The following AHI1 variants were observed in gnomAD, a reference collection of about 807,000 sequenced individuals.
The protein encoded by AHI1 is jouberin.
AHI1 carries 123 observed loss-of-function variants against 149.3 expected under a neutral mutation model. That is an observed-to-expected ratio of 0.82 (90% CI 0.71 to 0.96). AHI1 has a LOEUF of 0.96. Ranked by LOEUF, AHI1 falls within the 40% of genes least tolerant of loss-of-function variation. The probability of loss-of-function intolerance (pLI) is 0.00; values close to 1 mark genes in which losing one functional copy is unlikely to be tolerated. For missense variants in AHI1, 1,439 were observed against 1,422.7 expected, an observed-to-expected ratio of 1.01 and a Z score of -0.18; for synonymous variants, 475 against 459.8, an observed-to-expected ratio of 1.03 and a Z score of -0.42.
At chr6:135,489,962 A>C in intron 5 of AHI1, 10 of 417,418 alleles carry the variant, frequency 2.4e-5, no homozygotes, top group East Asian at 7.2e-5. Flanking sequence ...TGAGGACAGA[A>C]GAGATAATGG....
At chr6:135,328,309 C>T (rs749378125) in intron 24 of AHI1, among the ~76,000 whole-genome samples, 8 of 152,166 alleles carry the variant, frequency 5.3e-5, no homozygotes, top group Non-Finnish European at 7.4e-5. Context: ...TGTGGCAACC[C>T]TGCATTGAGC....
chr6:135,317,713 A>C (rs555707120), intron 26 of AHI1, among the ~76,000 whole-genome samples: 15 of 152,158 alleles, frequency 9.9e-5, no homozygotes, highest in Non-Finnish European at 1.9e-4. Flanking sequence ...CGCATGGATG[A>C]AGGCATTCAA....
intron 23 of AHI1, among the ~76,000 whole-genome samples, chr6:135,379,713 C>T (rs1321615168): frequency 2.0e-5 from 3 of 152,178 alleles, no homozygotes; most frequent in East Asian, 1.9e-4. Context: ...GCTGCTACCT[C>T]TCTGAACTTA....
At position 135,453,336 on chromosome 6, in the gene AHI1, C is replaced by T; in HGVS notation, c.1440+5G>A. On this transcript the variant is annotated splice_donor_5th_base_variant and intron_variant, in intron 11 of 28. Transcript: ENST00000265602. The stretch of plus-strand genomic sequence containing the variant: ...TAAAGTGTTTAAAATGGATGAAAAA[C>T]ATACCTTAAGAAATGCCCAGGCAAT... 1 of 1,552,690 alleles carries T rather than the reference C, an allele frequency of 6.4e-7. No individual in the cohort carries two copies. Among genetic ancestry groups the T allele is most frequent in the South Asian group, 1.2e-5 (1 of 84,082 alleles).
intron 27 of AHI1, among the ~76,000 whole-genome samples, chr6:135,299,170 A>G (rs527623376): frequency 6.6e-6 from 1 of 152,348 alleles, no homozygotes; most frequent in Non-Finnish European, 1.5e-5. Context: ...ACCTGGAGAG[A>G]TTATAGAAAG....
At chr6:135,355,947 G>C (rs1233296021) in intron 24 of AHI1, among the ~76,000 whole-genome samples, 1 of 152,094 alleles carries the variant, frequency 6.6e-6, no homozygotes, top group Non-Finnish European at 1.5e-5. Flanking sequence ...CTTGAAAAGA[G>C]GTCTGATAAA....
Position 135,394,825 on chromosome 6 carries a change from G to GT in AHI1, c.3059dup (p.Asn1020LysfsTer28), listed in dbSNP as rs1463748841. The stretch of plus-strand genomic sequence containing the variant: ...GTAGAATCTCTTGAGCGGTCAGCAT[G>GT]TTTGACTGCTTTAACTTAGACTGTT... On this transcript the variant is annotated frameshift_variant, in exon 23 of 29. Transcript: ENST00000265602. LOFTEE classifies it high-confidence loss of function. 15 of 1,608,726 alleles carry GT rather than the reference G, an allele frequency of 9.3e-6. No homozygotes were observed. The Admixed American group carries it at 2.2e-4, about 24-fold the overall frequency.
rs1419646770 is a variant in AHI1 at position 135,285,529 on chromosome 6, TG to T, written c.*115del. On this transcript the variant is annotated 3_prime_UTR_variant, in exon 29 of 29. Transcript: ENST00000265602. ...AGTCATTCATAAGAACAAGAAGTAG[TG>T]GATCCTTTCTTCCTCCTTAGTATCT... 9.2e-7 allele frequency: 1 copy of T among 1,089,130 alleles called. No homozygotes were observed. The highest frequency in any genetic ancestry group is 1.4e-6 in the Non-Finnish European group (1 of 730,510). The allele number at this position is 1,089,130 out of a possible 1,614,324, so 67.5% of individuals were successfully genotyped here. A position where few individuals can be genotyped will look rare whatever the true frequency, so the allele number is the denominator to read the frequency against.
chr6:135,389,172 A>G (rs575762567), intron 23 of AHI1, among the ~76,000 whole-genome samples: 8 of 151,926 alleles, frequency 5.3e-5, no homozygotes, highest in East Asian at 3.9e-4. Context: ...TTAGCCAGGC[A>G]TGGTGGCGGG....
At chr6:135,301,893 C>T (rs1783927414) in intron 26 of AHI1, 3 of 985,326 alleles carry the variant, frequency 3.0e-6, no homozygotes, top group Non-Finnish European at 3.6e-6. Flanking sequence ...ATCATCAAAA[C>T]CTCAGAAAGC....
intron 22 of AHI1, among the ~76,000 whole-genome samples, chr6:135,399,369 A>G (rs1779701752): frequency 6.6e-6 from 1 of 152,194 alleles, no homozygotes; most frequent in Non-Finnish European, 1.5e-5. Context: ...ACTGCAATCC[A>G]TATATCTGAA....
At chr6:135,295,403 G>A (rs1380782269) in intron 27 of AHI1, among the ~76,000 whole-genome samples, 1 of 152,174 alleles carries the variant, frequency 6.6e-6, no homozygotes, top group Non-Finnish European at 1.5e-5. Flanking sequence ...TCTACTTCAA[G>A]ATGTCACCCA....
intron 21 of AHI1, among the ~76,000 whole-genome samples, chr6:135,408,856 A>T (rs1472361441): frequency 6.6e-6 from 1 of 152,176 alleles, no homozygotes; most frequent in East Asian, 1.9e-4. Flanking sequence ...CAGGATGCTT[A>T]GGCTTCTTAC....
chr6:135,392,419 C>T (rs906593982), intron 23 of AHI1, among the ~76,000 whole-genome samples: 1 of 152,252 alleles, frequency 6.6e-6, no homozygotes, highest in Non-Finnish European at 1.5e-5. Flanking sequence ...AGCACTCTAG[C>T]ATGTAAACCC....
chr6:135,451,894 T>G (rs17064524), intron 11 of AHI1, among the ~76,000 whole-genome samples: 9,926 of 151,860 alleles, frequency 0.065, 744 homozygotes, highest in African/African-American at 0.18. Flanking sequence ...ATGGAAGGTG[T>G]TATGGAAAAA....
At chr6:135,346,361 A>T (rs1386812053) in intron 24 of AHI1, among the ~76,000 whole-genome samples, 1 of 151,470 alleles carries the variant, frequency 6.6e-6, no homozygotes, top group Non-Finnish European at 1.5e-5. Flanking sequence ...TGCCCGGCTA[A>T]TTTTTTTTAT....
chr6:135,396,925 A>T (rs965957568), intron 22 of AHI1, among the ~76,000 whole-genome samples: 2 of 151,760 alleles, frequency 1.3e-5, no homozygotes, highest in Admixed American at 1.3e-4. Flanking sequence ...AAAACAAAAA[A>T]TACCTGGAAA....
intron 20 of AHI1, among the ~76,000 whole-genome samples, chr6:135,425,614 G>A (rs1783810510): frequency 6.6e-6 from 1 of 151,844 alleles, no homozygotes; most frequent in South Asian, 2.1e-4. Context: ...ACAGGTATTA[G>A]TACTGTAGTA....
chr6:135,492,669 A>G lies in AHI1; in HGVS notation c.-54-378T>C, dbSNP rs972023583. ...CCATCTCAGGATTGACTTTCCTAAGAGCATTCAATATTACATTAAAGCATG... is the reference window on the plus strand; with the variant it reads ...CCATCTCAGGATTGACTTTCCTAAGGGCATTCAATATTACATTAAAGCATG... On this transcript the variant is annotated intron_variant, in intron 3 of 28. Coordinates refer to ENST00000265602, the MANE Select transcript of AHI1 (RefSeq NM_001134831.2). The G allele has an allele frequency of 1.2e-5, 12 of 985,300 alleles. No individual in the cohort carries two copies. In the Admixed American group the frequency reaches 1.8e-4, roughly 15 times the overall value. 61.0% of individuals were successfully genotyped at this position (985,300 alleles called of 1,614,324 possible).
Sources: allele counts gnomAD v4.1 joint callset (sites outside exome capture counted in the v4.1 genomes callset), GRCh38; gene constraint gnomAD v4.1.1; transcripts MANE v1.5; gene names NCBI Gene and HGNC (gene_info 2026-07-23, HGNC 2026-07-21).